FAM114A1: variants seen among roughly 807,000 people sequenced by gnomAD.
FAM114A1 encodes the protein protein NOXP20.
In FAM114A1, 62 loss-of-function variants were observed where a neutral mutation model predicts 64.3. The observed-to-expected ratio is 0.96, with a 90% CI of 0.79 to 1.19. FAM114A1 has a LOEUF of 1.19. Among genes scored for constraint, FAM114A1 ranks in the 50% most tolerant of loss-of-function variants. The pLI, the probability that FAM114A1 is intolerant of heterozygous loss-of-function variation, is 0.00. For synonymous variants in FAM114A1, 254 were observed against 251.1 expected (o/e 1.01, Z -0.11); for missense variants, 645 against 676.3 (o/e 0.95, Z 0.51).
chr4:38,931,371 T>C (rs1402891264), intron 10 of FAM114A1, 80 bp from the exon 11 acceptor site: 2 of 1,489,154 alleles, frequency 1.3e-6, no homozygotes, highest in African/African-American at 2.8e-5. Flanking sequence ...TAGAGACACT[T>C]GATTCTAGTC....
chr4:38,894,770 A>G (rs934184927), intron 4 of FAM114A1, among the ~76,000 whole-genome samples: 1 of 152,244 alleles, frequency 6.6e-6, no homozygotes, highest in Non-Finnish European at 1.5e-5. Flanking sequence ...GAAGTTCAGT[A>G]TACCCTCTTG....
intron 7 of FAM114A1, among the ~76,000 whole-genome samples, chr4:38,909,385 A>G (rs1718322328): frequency 6.6e-6 from 1 of 152,326 alleles, no homozygotes; most frequent in Admixed American, 6.5e-5. Context: ...ATGGTATCTC[A>G]TTGGAATTTT....
Position 38,943,576 on chromosome 4 carries a change from A to G in FAM114A1, c.*19A>G. On this transcript the variant is annotated 3_prime_UTR_variant, in exon 15 of 15. Transcript: ENST00000358869. The stretch of plus-strand genomic sequence containing the variant: ...GCCGTGACCTGGCCAGACTCCATCT[A>G]GTTAAAGGAGACAGCTGGCCGCCTT... The G allele has an allele frequency of 6.2e-7, 1 of 1,608,500 alleles. No homozygotes were observed. The highest frequency in any genetic ancestry group is 8.5e-7 in the Non-Finnish European group (1 of 1,175,270).
intron 8 of FAM114A1, among the ~76,000 whole-genome samples, chr4:38,918,088 GT>G: frequency 6.6e-6 from 1 of 151,994 alleles, no homozygotes; most frequent in Non-Finnish European, 1.5e-5. Flanking sequence ...GCCGGGCATG[GT>G]GACGCATGCC....
chr4:38,935,294 A>G (rs924936662), intron 12 of FAM114A1, among the ~76,000 whole-genome samples: 3 of 152,220 alleles, frequency 2.0e-5, no homozygotes, highest in African/African-American at 7.2e-5. Flanking sequence ...CACCCTGAGG[A>G]TTAAATATGA....
At chr4:38,869,610 C>T (rs142135052) in intron 2 of FAM114A1, among the ~76,000 whole-genome samples, 4 of 152,240 alleles carry the variant, frequency 2.6e-5, no homozygotes, top group South Asian at 2.1e-4. Flanking sequence ...AGCCTGGGTA[C>T]GTAGACTTGT....
rs1579424217 is a variant in FAM114A1 at position 38,941,005 on chromosome 4, G to A, written c.1574G>A (p.Ser525Asn). ...KKAEVLNPMI[S>N]SVLLEGCNST... Reference sequence around the variant, plus strand: ...GCCGAGGTCCTTAACCCCATGATCAGTAGTGTATTGTTAGAGGTAAGTGGC... The same window carrying A: ...GCCGAGGTCCTTAACCCCATGATCAATAGTGTATTGTTAGAGGTAAGTGGC... The change falls in exon 14 of 15, where the codon AGT becomes AAT. Residue 525 changes from serine to asparagine, a missense_variant. Coordinates refer to ENST00000358869, the MANE Select transcript of FAM114A1 (RefSeq NM_138389.4). 4 of 1,613,650 alleles carry A rather than the reference G, an allele frequency of 2.5e-6. No homozygotes were observed. Among genetic ancestry groups the A allele is most frequent in the Admixed American group, 1.7e-5 (1 of 59,968 alleles).
intron 14 of FAM114A1, 124 bp downstream of exon 14, chr4:38,941,145 CT>C: frequency 3.7e-6 from 3 of 818,972 alleles, no homozygotes; most frequent in Non-Finnish European, 5.7e-6. Context: ...ATCATCAGGT[CT>C]TTTTTGAGTA....
intron 2 of FAM114A1, among the ~76,000 whole-genome samples, chr4:38,869,389 C>T (rs961351333): frequency 5.9e-5 from 9 of 151,978 alleles, no homozygotes. Context: ...GAGGAACCAG[C>T]GTAAGCAAAG....
intron 9 of FAM114A1, among the ~76,000 whole-genome samples, chr4:38,925,005 C>T (rs1719977169): frequency 6.6e-6 from 1 of 152,202 alleles, no homozygotes. Context: ...GGTGCTATTC[C>T]TTGGAGGGGA....
intron 4 of FAM114A1, among the ~76,000 whole-genome samples, chr4:38,896,170 C>T (rs1716921226): frequency 6.6e-6 from 1 of 152,102 alleles, no homozygotes. Context: ...TATTGATGCT[C>T]ATTCTAAAAG....
intron 2 of FAM114A1, among the ~76,000 whole-genome samples, chr4:38,876,162 CTTTTTTCT>C (rs1395935918): frequency 2.8e-4 from 28 of 99,258 alleles, no homozygotes; most frequent in East Asian, 2.5e-3. Flanking sequence ...TAGACTTATT[CTTTTTTCT>C]TTTTTTTTTT....
At chr4:38,889,834 A>G (rs1427915175) in intron 3 of FAM114A1, among the ~76,000 whole-genome samples, 1 of 152,136 alleles carries the variant, frequency 6.6e-6, no homozygotes, top group African/African-American at 2.4e-5. Flanking sequence ...TCTCTCACTT[A>G]ATACAAAGAA....
chr4:38,882,405 G>A (rs1017884315), intron 3 of FAM114A1, among the ~76,000 whole-genome samples: 4 of 151,400 alleles, frequency 2.6e-5, no homozygotes, highest in East Asian at 1.9e-4. Context: ...CGAGGGGACC[G>A]GATCACCTGA....
intron 3 of FAM114A1, among the ~76,000 whole-genome samples, chr4:38,885,014 C>T (rs527876567): frequency 5.3e-5 from 8 of 152,290 alleles, no homozygotes; most frequent in Admixed American, 2.0e-4. Flanking sequence ...CTCCCTCTAT[C>T]GCCAGGCTGG....
chr4:38,895,074 A>G (rs1265581964), intron 4 of FAM114A1, among the ~76,000 whole-genome samples: 1 of 152,166 alleles, frequency 6.6e-6, no homozygotes, highest in Non-Finnish European at 1.5e-5. Flanking sequence ...AACATAGACC[A>G]CAGATCAGGA....
chr4:38,902,777 T>A (rs950970065), intron 4 of FAM114A1, among the ~76,000 whole-genome samples: 2 of 152,140 alleles, frequency 1.3e-5, no homozygotes, highest in African/African-American at 4.8e-5. Context: ...ATAGTATTAT[T>A]CATATTTGTT....
intron 10 of FAM114A1, 134 bp from the exon 11 acceptor site, chr4:38,931,317 G>C: frequency 9.9e-7 from 1 of 1,006,380 alleles, no homozygotes; most frequent in South Asian, 2.3e-5. Context: ...TTGAAAAATT[G>C]CCCCGTCATC....
At chr4:38,870,347 G>A (rs777783303) in intron 2 of FAM114A1, among the ~76,000 whole-genome samples, 5 of 152,162 alleles carry the variant, frequency 3.3e-5, no homozygotes, top group South Asian at 2.1e-4. Context: ...TCTAGTTCAG[G>A]CACATCTGTC....
Sources: gnomAD v4.1 joint callset for allele counts (sites outside exome capture counted in the v4.1 genomes callset) on GRCh38, gnomAD v4.1.1 for gene constraint, MANE v1.5 for transcripts, NCBI Gene and HGNC (gene_info 2026-07-23, HGNC 2026-07-21) for gene names.